The following PDZD7 variants were observed in gnomAD, a reference collection of about 807,000 sequenced individuals.
PDZD7 encodes PDZ domain-containing protein 7.
A neutral mutation model predicts 84.7 loss-of-function variants in PDZD7; 72 were observed. The observed-to-expected ratio is 0.85, with a 90% CI of 0.70 to 1.03. The LOEUF (loss-of-function observed/expected upper bound fraction) is 1.03, where lower values mean the gene tolerates loss of function less well. Ranked by LOEUF, PDZD7 falls within the 50% of genes least tolerant of loss-of-function variation. PDZD7 has a pLI of 0.00. For missense variants in PDZD7, 1,490 were observed against 1,412.9 expected (o/e 1.05, Z -0.87); for synonymous variants, 594 against 580.7 (o/e 1.02, Z -0.33).
chr10:101,018,785 C>G (rs1256927670), intron 8 of PDZD7, 37 bp downstream of exon 8: 1 of 1,547,702 alleles, frequency 6.5e-7, no homozygotes, highest in Non-Finnish European at 8.7e-7. Flanking sequence ...GGACCAGAGG[C>G]TGTGGAGGGA....
intron 2 of PDZD7, among the ~76,000 whole-genome samples, chr10:101,026,015 A>G (rs539171768): frequency 5.9e-5 from 9 of 152,222 alleles, no homozygotes; most frequent in Non-Finnish European, 1.2e-4. Flanking sequence ...CTGGCTACAA[A>G]GGGAAAGAAA....
At chr10:101,017,863 G>GAAAT (rs753752563) in intron 9 of PDZD7, 1 of 397,730 alleles carries the variant, frequency 2.5e-6, no homozygotes, top group African/African-American at 4.3e-5. Context: ...AAGAAAGAAA[G>GAAAT]AAAGAAAGAA....
intron 9 of PDZD7, 182 bp downstream of exon 9, chr10:101,017,914 AAAG>A (rs1852789818): frequency 4.7e-6 from 2 of 427,532 alleles, no homozygotes; most frequent in Non-Finnish European, 4.1e-6. Flanking sequence ...GAAAGAAAGA[AAAG>A]AAAGAAAGAA....
intron 3 of PDZD7, 133 bp from the exon 4 acceptor site, chr10:101,023,743 T>C (rs915829741): frequency 4.9e-5 from 70 of 1,420,606 alleles, no homozygotes; most frequent in Middle Eastern, 2.1e-4. Context: ...GGGCTGAGTG[T>C]TCCCAGTGCC....
chr10:101,018,741 G>A, intron 8 of PDZD7, 81 bp downstream of exon 8: 1 of 1,466,864 alleles, frequency 6.8e-7, no homozygotes, highest in Non-Finnish European at 9.0e-7. Flanking sequence ...GCAAAGGGAG[G>A]TTTGAGCCCG....
Position 101,020,697 on chromosome 10 carries a change from G to A in PDZD7, c.868-19C>T. On this transcript the variant is annotated intron_variant, in intron 6 of 16. Coordinates refer to ENST00000619208, the MANE Select transcript of PDZD7 (RefSeq NM_001195263.2). ...CGGTCTCCTGGGGAGGGGATGGTGG[G>A]CATAGGAGGGAAGGGGGAGCAGTGA... 2 of 1,603,558 alleles carry A rather than the reference G, an allele frequency of 1.2e-6. No individual in the cohort carries two copies. The highest frequency in any genetic ancestry group is 1.7e-6 in the Non-Finnish European group (2 of 1,170,504).
In PDZD7 at chr10:101,023,546, G is replaced by C. The variant is rs1853250184; in HGVS notation, c.432C>G (p.Thr144=). 6.2e-7 allele frequency: 1 copy of C among 1,614,068 alleles called. No homozygotes were observed. Among genetic ancestry groups the C allele is most frequent in the Middle Eastern group, 1.6e-4 (1 of 6,062 alleles). The change falls in exon 4 of 17, where the codon ACC becomes ACG. Residue 144 remains threonine (T), a synonymous_variant. Coordinates refer to ENST00000619208, the MANE Select transcript of PDZD7 (RefSeq NM_001195263.2). ...GCACCTTTACGGCGCTACCCATGGT[G>C]GTGCTCTCCAGGCTCAGCCCATTCA... ...TEVNGLSLES[T]TMGSAVKVLT...
intron 2 of PDZD7, 35 bp from the exon 3 acceptor site, chr10:101,024,103 T>C (rs1463040576): frequency 1.2e-6 from 2 of 1,614,024 alleles, no homozygotes; most frequent in Non-Finnish European, 1.7e-6. Context: ...GCCCCCATGT[T>C]CATTGTGGGC....
At chr10:101,011,545 G>A (rs1852392826) in intron 14 of PDZD7, 145 bp downstream of exon 14, 1 of 1,445,868 alleles carries the variant, frequency 6.9e-7, no homozygotes, top group Non-Finnish European at 9.1e-7. Context: ...AATGGCTCTG[G>A]TGGACAAGAG....
chr10:101,019,407 C>T (rs1354217609), intron 7 of PDZD7, among the ~76,000 whole-genome samples, 190 bp from the exon 8 acceptor site: 1 of 152,170 alleles, frequency 6.6e-6, no homozygotes, highest in Non-Finnish European at 1.5e-5. Flanking sequence ...CTCAAATCAC[C>T]CACTGGGACT....
At chr10:101,028,959 G>T (rs1937884852) in intron 2 of PDZD7, among the ~76,000 whole-genome samples, 1 of 152,240 alleles carries the variant, frequency 6.6e-6, no homozygotes, top group Non-Finnish European at 1.5e-5. Flanking sequence ...AGTGGCCTAG[G>T]GAGGGGAAGA....
intron 10 of PDZD7, 148 bp from the exon 11 acceptor site, chr10:101,015,959 G>T: frequency 1.2e-6 from 1 of 830,098 alleles, no homozygotes; most frequent in Non-Finnish European, 1.8e-6. Context: ...ACAGCAACCT[G>T]CCCACCAATG....
At chr10:101,018,015 G>T in intron 9 of PDZD7, 84 bp downstream of exon 9, 1 of 1,553,606 alleles carries the variant, frequency 6.4e-7, no homozygotes, top group Non-Finnish European at 8.9e-7. Context: ...GTAAGACGCG[G>T]TGTGGGATCT....
At position 101,018,100 on chromosome 10, in the gene PDZD7, T is replaced by C; in HGVS notation, c.1521A>G (p.Lys507=). The change falls in exon 9 of 17, where the codon AAA becomes AAG. Residue 507 remains lysine, a splice_region_variant and synonymous_variant. Transcript: ENST00000619208. ...AKTYPRLDIE[K]AGGVGPVQKF... is the part of the protein sequence containing the mutation. ...CTGTTTGATCAGCCCACTACTTACC[T>C]TTCTCTATGTCCAGGCGAGGGTAAG... 6.2e-7 allele frequency: 1 copy of C among 1,614,144 alleles called. No individual in the cohort carries two copies. The highest frequency in any genetic ancestry group is 8.5e-7 in the Non-Finnish European group (1 of 1,180,004).
At chr10:101,020,564 C>T in intron 7 of PDZD7, 54 bp downstream of exon 7, 1 of 1,540,992 alleles carries the variant, frequency 6.5e-7, no homozygotes, top group Non-Finnish European at 8.9e-7. Flanking sequence ...AGCCGGGCCC[C>T]ACCCTAAGGC....
Position 101,008,453 on chromosome 10 carries a change from G to A in PDZD7, c.*14C>T. On this transcript the variant is annotated 3_prime_UTR_variant, in exon 17 of 17. Coordinates refer to ENST00000619208, the MANE Select transcript of PDZD7 (RefSeq NM_001195263.2). The stretch of plus-strand genomic sequence containing the variant: ...TGCTGGAGTCAGTGGGTGAATCTGA[G>A]GTTAGGGGGAGGGTCATGGGATGCG... 6.7e-7 allele frequency: 1 copy of A among 1,491,334 alleles called. No individual in the cohort carries two copies. The highest frequency in any genetic ancestry group is 2.5e-5 in the East Asian group (1 of 40,506). 92.4% of individuals were successfully genotyped at this position (1,491,334 alleles called of 1,614,324 possible). A position where few individuals can be genotyped will look rare whatever the true frequency, so the allele number is the denominator to read the frequency against.
Position 101,020,768 on chromosome 10 carries a change from C to T in PDZD7, c.868-90G>A, listed in dbSNP as rs986919050. ...GCGGGGGTGACAGGATGGGAGTAAA[C>T]TTTCAACTTCATTTCTGTCCTCCAA... is the stretch of plus-strand genomic sequence containing the variant. On this transcript the variant is annotated intron_variant, in intron 6 of 16. Coordinates refer to ENST00000619208, the MANE Select transcript of PDZD7 (RefSeq NM_001195263.2). 4 of 904,516 alleles carry T rather than the reference C, an allele frequency of 4.4e-6. No individual in the cohort carries two copies. In the African/African-American group the frequency reaches 6.5e-5, roughly 15 times the overall value. The allele number at this position is 904,516 out of a possible 1,614,324, so 56.0% of individuals were successfully genotyped here. A position where few individuals can be genotyped will look rare whatever the true frequency, so the allele number is the denominator to read the frequency against.
At chr10:101,010,964 T>A in intron 14 of PDZD7, 81 bp from the exon 15 acceptor site, 4 of 1,529,090 alleles carry the variant, frequency 2.6e-6, no homozygotes, top group Non-Finnish European at 3.5e-6. Context: ...GTGGGGCCTG[T>A]GAGAGCCAGG....
Position 101,030,010 on chromosome 10 carries a change from G to C in PDZD7, c.210C>G (p.Ile70Met). The C allele has an allele frequency of 1.9e-6, 3 of 1,562,940 alleles. No individual in the cohort carries two copies. The highest frequency in any genetic ancestry group is 8.7e-7 in the Non-Finnish European group (1 of 1,148,570). The change falls in exon 2 of 17, where the codon ATC becomes ATG. Residue 70 changes from isoleucine (I) to methionine (M), a missense_variant. Transcript: ENST00000619208. ...CGCCCCTACCTTCGATGGGGGAGTT[G>C]ATGAGGATGACGCGTCCCATGGGCG... ...ASSPMGRVIL[I>M]NSPIEANSDE...
Sources: gnomAD v4.1 joint callset for allele counts (sites outside exome capture counted in the v4.1 genomes callset) on GRCh38, gnomAD v4.1.1 for gene constraint, MANE v1.5 for transcripts, NCBI Gene and HGNC (gene_info 2026-07-23, HGNC 2026-07-21) for gene names.